The following ANKRD29 variants were observed in gnomAD, a reference collection of about 807,000 sequenced individuals.
ANKRD29 encodes the protein ankyrin repeat domain-containing protein 29.
Under a neutral mutation model 38.0 loss-of-function variants are expected in ANKRD29, and 32 were observed. The ratio of observed to expected loss-of-function variants is 0.84; its 90% CI spans 0.64 to 1.13. The LOEUF is 1.13. Among genes scored for constraint, ANKRD29 ranks in the 50% most tolerant of loss-of-function variants. The probability of loss-of-function intolerance (pLI) is 0.00; values close to 1 mark genes in which losing one functional copy is unlikely to be tolerated. For synonymous variants in ANKRD29, 135 were observed against 152.4 expected, an observed-to-expected ratio of 0.89 and a Z score of 0.84; for missense variants, 357 against 377.9, an observed-to-expected ratio of 0.94 and a Z score of 0.46.
chr18:23,629,437 G>C (rs1036503868), intron 6 of ANKRD29, among the ~76,000 whole-genome samples: 14 of 152,210 alleles, frequency 9.2e-5, no homozygotes, highest in African/African-American at 3.1e-4. Flanking sequence ...TGGCTTGGTG[G>C]AAGAAGTGGT....
intron 9 of ANKRD29, among the ~76,000 whole-genome samples, chr18:23,604,521 G>A (rs1015828741): frequency 1.3e-5 from 2 of 151,756 alleles, no homozygotes; most frequent in Non-Finnish European, 2.9e-5. Context: ...CCTGCTCACC[G>A]CCCAACAGGT....
At chr18:23,652,547 A>G (rs1276509448) in intron 1 of ANKRD29, among the ~76,000 whole-genome samples, 1 of 152,142 alleles carries the variant, frequency 6.6e-6, no homozygotes, top group Non-Finnish European at 1.5e-5. Context: ...GGGTCTATAC[A>G]CATCACATTC....
At chr18:23,604,775 T>C (rs1004540073) in intron 9 of ANKRD29, among the ~76,000 whole-genome samples, 5 of 152,082 alleles carry the variant, frequency 3.3e-5, no homozygotes, top group African/African-American at 1.2e-4. Context: ...ATGATCCACC[T>C]GCCTCAGCCT....
chr18:23,621,306 C>G (rs1303465427), intron 6 of ANKRD29, among the ~76,000 whole-genome samples: 1 of 152,184 alleles, frequency 6.6e-6, no homozygotes, highest in Admixed American at 6.5e-5. Flanking sequence ...CTAGCAGAAG[C>G]AGGCACAAGA....
At chr18:23,616,171 A>G (rs2059714607) in intron 8 of ANKRD29, among the ~76,000 whole-genome samples, 1 of 149,820 alleles carries the variant, frequency 6.7e-6, no homozygotes, top group Non-Finnish European at 1.5e-5. Context: ...TGTATACTCT[A>G]TACATACTGT....
In ANKRD29 at chr18:23,624,877, C is replaced by A. The variant is rs144916253; in HGVS notation, c.528+4976G>T. On this transcript the variant is annotated intron_variant, in intron 6 of 9. Coordinates refer to ENST00000592179, the MANE Select transcript of ANKRD29 (RefSeq NM_173505.4). ...GATCACTTTTACAGCCAGATCACAG[C>A]ATGAGATGGAGTATATGACACAACC... Among the ~76,000 whole-genome samples the A allele has an allele frequency of 4.1e-4, 62 of 152,296 alleles. 1 individual carries two copies. In the East Asian group the frequency reaches 0.011, roughly 26 times the overall value.
chr18:23,630,251 C>T (rs2059913237), intron 5 of ANKRD29, among the ~76,000 whole-genome samples: 1 of 152,156 alleles, frequency 6.6e-6, no homozygotes, highest in Admixed American at 6.5e-5. Context: ...AGGGCGATAC[C>T]CCATCTCTAC....
rs113981311 is a variant in ANKRD29, at chr18:23,639,200, C to T, written c.232-253G>A. ...CCATCCTAAAACTTGTGAATATTAC[C>T]TTCTATGGCAAAAGACGTGATTAAG... On this transcript the variant is annotated intron_variant, in intron 3 of 9. Transcript: ENST00000592179. 1.1e-3 allele frequency among the ~76,000 whole-genome samples: 161 copies of T among 152,188 alleles called. 5 individuals are homozygous for T. In the South Asian group the frequency reaches 0.023, roughly 21 times the overall value.
intron 1 of ANKRD29, among the ~76,000 whole-genome samples, chr18:23,658,035 T>C (rs968806730): frequency 6.6e-6 from 1 of 152,238 alleles, no homozygotes. Context: ...TGTCATTCCT[T>C]TCTTCCAATT....
At chr18:23,604,584 G>T (rs939279505) in intron 9 of ANKRD29, among the ~76,000 whole-genome samples, 4 of 151,798 alleles carry the variant, frequency 2.6e-5, no homozygotes, top group Non-Finnish European at 5.9e-5. Flanking sequence ...ATGCTGGACT[G>T]CAGTGGCGCA....
At chr18:23,659,540 C>T (rs937706798) in intron 1 of ANKRD29, among the ~76,000 whole-genome samples, 1 of 151,834 alleles carries the variant, frequency 6.6e-6, no homozygotes, top group African/African-American at 2.4e-5. Context: ...GTCAAGAGAT[C>T]GAGACCATCC....
intron 6 of ANKRD29, among the ~76,000 whole-genome samples, chr18:23,623,826 G>A (rs1430343846): frequency 6.6e-6 from 1 of 151,696 alleles, no homozygotes; most frequent in African/African-American, 2.4e-5. Context: ...TTTATTTTTA[G>A]TAGAGATGGG....
intron 8 of ANKRD29, among the ~76,000 whole-genome samples, chr18:23,613,920 C>T (rs2059678275): frequency 6.6e-6 from 1 of 152,052 alleles, no homozygotes; most frequent in Admixed American, 6.6e-5. Flanking sequence ...TTTGTAGAGA[C>T]AGGGTTTCAT....
chr18:23,656,032 G>T (rs1468053696), intron 1 of ANKRD29, among the ~76,000 whole-genome samples: 1 of 148,544 alleles, frequency 6.7e-6, no homozygotes, highest in Non-Finnish European at 1.5e-5. Flanking sequence ...GGCGGAGCTT[G>T]CAGTGAGCCG....
rs554354777 is a variant in ANKRD29, at chr18:23,600,287, C to T, written c.*939G>A. The T allele has an allele frequency of 1.6e-4, 24 of 152,278 alleles. No individual in the cohort carries two copies. The South Asian group carries it at 3.5e-3, about 22-fold the overall frequency. The allele number at this position is 152,278 out of a possible 1,614,324, so 9.4% of individuals were successfully genotyped here. A position where few individuals can be genotyped will look rare whatever the true frequency, so the allele number is the denominator to read the frequency against. ...TATATTCCTGCAATAGTAATAGCAA[C>T]ATACTGTACTTGCATATATCACATT... On this transcript the variant is annotated 3_prime_UTR_variant, in exon 10 of 10. Transcript: ENST00000592179.
chr18:23,619,943 G>T, intron 6 of ANKRD29: 1 of 314,864 alleles, frequency 3.2e-6, no homozygotes, highest in Non-Finnish European at 5.9e-6. Flanking sequence ...CAGACTTCAT[G>T]GAAAGATGCG....
Position 23,612,144 on chromosome 18 carries a change from T to G in ANKRD29, c.770A>C (p.Lys257Thr), listed in dbSNP as rs548136145. 1 of 1,614,024 alleles carries G rather than the reference T, an allele frequency of 6.2e-7. No homozygotes were observed. Among genetic ancestry groups the G allele is most frequent in the South Asian group, 1.1e-5 (1 of 91,066 alleles). The change falls in exon 9 of 10, where the codon AAA (lysine) becomes ACA (threonine). Residue 257 changes from lysine to threonine, a missense_variant. Lys to Thr is a moderately conservative substitution (Grantham distance 78). Coordinates refer to ENST00000592179, the MANE Select transcript of ANKRD29 (RefSeq NM_173505.4). ...LHAAVLSGNI[K>T]TVALLLEAGA... ...TGCTTCTAGGAGCAGCGCAACTGTT[T>G]TAATGTTTCCACTGAGCACTGCTGC...
At chr18:23,616,132 G>A (rs982850912) in intron 8 of ANKRD29, among the ~76,000 whole-genome samples, 4 of 127,088 alleles carry the variant, frequency 3.1e-5, no homozygotes, top group Admixed American at 1.5e-4. Flanking sequence ...CCGTATGTAT[G>A]TATGTATACT....
At chr18:23,639,485 A>G (rs2145707959) in intron 3 of ANKRD29, among the ~76,000 whole-genome samples, 1 of 152,194 alleles carries the variant, frequency 6.6e-6, no homozygotes, top group East Asian at 1.9e-4. Flanking sequence ...TAAGTGAAAT[A>G]AGCTAGTCAT....
Sources: allele counts gnomAD v4.1 joint callset (sites outside exome capture counted in the v4.1 genomes callset), GRCh38; gene constraint gnomAD v4.1.1; transcripts MANE v1.5; gene names NCBI Gene and HGNC (gene_info 2026-07-23, HGNC 2026-07-21).